The following TCERG1L variants were observed in gnomAD, a reference collection of about 807,000 sequenced individuals.
TCERG1L encodes the protein transcription elongation regulator 1-like protein.
Under a neutral mutation model 56.3 loss-of-function variants are expected in TCERG1L, and 37 were observed. The ratio of observed to expected loss-of-function variants is 0.66; its 90% CI spans 0.51 to 0.87. The LOEUF (loss-of-function observed/expected upper bound fraction) is 0.87. Ranked by LOEUF, TCERG1L falls within the 40% of genes least tolerant of loss-of-function variation. The pLI is 0.00. For missense variants in TCERG1L, 799 were observed against 774.2 expected (o/e 1.03, Z -0.38); for synonymous variants, 324 against 326.3 (o/e 0.99, Z 0.08).
chr10:131,154,170 T>C (rs749672972), intron 6 of TCERG1L, among the ~76,000 whole-genome samples: 3 of 152,302 alleles, frequency 2.0e-5, no homozygotes, highest in Admixed American at 6.5e-5. Flanking sequence ...CCAGAGGATA[T>C]AGTTAGTGTA....
chr10:131,309,231 G>A lies in TCERG1L; in HGVS notation c.411C>T (p.Val137=), dbSNP rs781180756. Residue 137 remains valine (V), a synonymous_variant, in exon 2 of 12, where the codon GTC becomes GTT. Transcript: ENST00000368642. The part of the protein sequence containing the change: ...PPSSTVELVP[V]FPHLCPSALA... ...GAGCAGAAGGGCAGAGATGTGGGAAGACGGGCACCAGCTCCACTGTGGAAG... is the reference window on the plus strand; with the variant it reads ...GAGCAGAAGGGCAGAGATGTGGGAAAACGGGCACCAGCTCCACTGTGGAAG... 1.9e-6 allele frequency: 3 copies of A among 1,607,912 alleles called. No individual in the cohort carries two copies. Among genetic ancestry groups the A allele is most frequent in the South Asian group, 2.2e-5 (2 of 89,964 alleles).
chr10:131,272,852 C>A (rs1334792747), intron 3 of TCERG1L, among the ~76,000 whole-genome samples: 1 of 152,230 alleles, frequency 6.6e-6, no homozygotes, highest in Non-Finnish European at 1.5e-5. Flanking sequence ...CTAGAGGTCA[C>A]AGAGGCTCCT....
intron 4 of TCERG1L, among the ~76,000 whole-genome samples, chr10:131,244,129 C>T (rs11591299): frequency 0.058 from 8,776 of 152,308 alleles, 339 homozygotes; most frequent in Middle Eastern, 0.14. Flanking sequence ...CTCGCAAAAA[C>T]GCAAGACATA....
rs534470044 is a variant in TCERG1L, at chr10:131,307,475, A to G, written c.670+736T>C. Among the ~76,000 whole-genome samples the G allele has an allele frequency of 3.0e-3, 451 of 152,332 alleles. 1 individual carries two copies. Among genetic ancestry groups the G allele is most frequent in the African/African-American group, 0.01 (432 of 41,582 alleles). On this transcript the variant is annotated intron_variant, in intron 3 of 11. Transcript: ENST00000368642. ...GTAGGAAATTACAAGAAGGTAATGT[A>G]ATTCTGAAGCCATAAAATATTCCAT...
chr10:131,230,046 A>G (rs1001746831), intron 4 of TCERG1L, among the ~76,000 whole-genome samples: 2 of 152,004 alleles, frequency 1.3e-5, no homozygotes, highest in Non-Finnish European at 2.9e-5. Context: ...TGCCCCAGAC[A>G]CTCAGCTCTC....
chr10:131,208,347 C>G (rs921628414), intron 4 of TCERG1L, among the ~76,000 whole-genome samples: 1 of 152,150 alleles, frequency 6.6e-6, no homozygotes, highest in Non-Finnish European at 1.5e-5. Context: ...CAGAGGGGGC[C>G]TGTGAGCCTG....
Position 131,116,830 on chromosome 10 carries a change from G to T in TCERG1L, c.1364C>A (p.Thr455Asn). 1 of 1,573,906 alleles carries T rather than the reference G, an allele frequency of 6.4e-7. No homozygotes were observed. Among genetic ancestry groups the T allele is most frequent in the Non-Finnish European group, 8.6e-7 (1 of 1,160,256 alleles). The change falls in exon 9 of 12, where the codon ACC becomes AAC. Residue 455 changes from threonine to asparagine, a missense_variant. Coordinates refer to ENST00000368642, the MANE Select transcript of TCERG1L (RefSeq NM_174937.4). ...CTCCAGCAGCATGTCTCGGAAGTGG[G>T]TCACACGCTCCTCCAGAGGCAGGAG... ...QILLPLEERV[T>N]HFRDMLLERG...
At chr10:131,170,244 T>C (rs1218241612) in intron 4 of TCERG1L, among the ~76,000 whole-genome samples, 3 of 152,094 alleles carry the variant, frequency 2.0e-5, no homozygotes. Context: ...ATTCTACGGC[T>C]CTCCGGGGGC....
rs956087973 is a variant in TCERG1L, at chr10:131,311,316, G to C, written c.320C>G (p.Pro107Arg). ...PDSAAAAAAH[P>R]FPALHGQWLF... Reference sequence around the variant, plus strand: ...TACCTGCCCGTGGAGCGCGGGGAAGGGGTGCGCGGCGGCGGCGGCGGCGGA... The same window carrying C: ...TACCTGCCCGTGGAGCGCGGGGAAGCGGTGCGCGGCGGCGGCGGCGGCGGA... Residue 107 changes from proline (P) to arginine (R), a missense_variant, in exon 1 of 12, where the codon CCC (proline) becomes CGC (arginine). By Grantham distance (103) the Pro-to-Arg change is moderately radical. Coordinates refer to ENST00000368642, the MANE Select transcript of TCERG1L (RefSeq NM_174937.4). The surrounding 1 kb of genome is among the most constrained non-coding windows in gnomAD (Gnocchi z 4.0). 4 of 1,207,302 alleles carry C rather than the reference G, an allele frequency of 3.3e-6. No homozygotes were observed. The African/African-American group carries it at 4.7e-5, about 14-fold the overall frequency. 74.8% of individuals were successfully genotyped at this position (1,207,302 alleles called of 1,614,324 possible). A position where few individuals can be genotyped will look rare whatever the true frequency, so the allele number is the denominator to read the frequency against.
In TCERG1L at chr10:131,134,530, A is replaced by G. The variant is rs547290892; in HGVS notation, c.1190-82T>C. Reference sequence around the variant, plus strand: ...AACCACCAGGTGACACTCACTTTCAAGTAGACTTATCTAGAAATTAAGACA... The same window carrying G: ...AACCACCAGGTGACACTCACTTTCAGGTAGACTTATCTAGAAATTAAGACA... On this transcript the variant is annotated intron_variant, in intron 7 of 11. Transcript: ENST00000368642. The G allele has an allele frequency of 3.9e-6, 4 of 1,035,592 alleles. No homozygotes were observed. In the East Asian group the frequency reaches 7.8e-5, roughly 20 times the overall value. 64.2% of individuals were successfully genotyped at this position (1,035,592 alleles called of 1,614,324 possible). A position where few individuals can be genotyped will look rare whatever the true frequency, so the allele number is the denominator to read the frequency against.
intron 6 of TCERG1L, among the ~76,000 whole-genome samples, chr10:131,160,224 C>G (rs922418522): frequency 6.6e-6 from 1 of 152,330 alleles, no homozygotes; most frequent in East Asian, 1.9e-4. Context: ...AGAATTCCCT[C>G]TCATCCTCAT....
chr10:131,256,304 T>C (rs571945685), intron 4 of TCERG1L, among the ~76,000 whole-genome samples: 1 of 135,024 alleles, frequency 7.4e-6, no homozygotes, highest in African/African-American at 2.6e-5. Context: ...AATTCTGGCT[T>C]GGAGACTTTC....
intron 8 of TCERG1L, among the ~76,000 whole-genome samples, chr10:131,117,681 A>ACCAG (rs1845473228): frequency 6.6e-6 from 1 of 152,174 alleles, no homozygotes; most frequent in Non-Finnish European, 1.5e-5. Context: ...TGGGCAGCTC[A>ACCAG]CCAGCACTCC....
At chr10:131,119,117 G>A (rs963501155) in intron 8 of TCERG1L, among the ~76,000 whole-genome samples, 8 of 152,274 alleles carry the variant, frequency 5.3e-5, no homozygotes, top group South Asian at 2.1e-4. Flanking sequence ...AGACCCGGCC[G>A]TCCAGGCCTC....
chr10:131,261,450 A>G (rs1846236841), intron 3 of TCERG1L, among the ~76,000 whole-genome samples: 1 of 152,140 alleles, frequency 6.6e-6, no homozygotes, highest in African/African-American at 2.4e-5. Flanking sequence ...GGAGCTAGAA[A>G]TATCAGCAAA....
At chr10:131,230,249 T>C (rs1220530557) in intron 4 of TCERG1L, among the ~76,000 whole-genome samples, 2 of 152,240 alleles carry the variant, frequency 1.3e-5, no homozygotes, top group African/African-American at 4.8e-5. Context: ...CAGCTTCCCC[T>C]CCACAGAGGC....
intron 11 of TCERG1L, 21 bp from the exon 12 acceptor site, chr10:131,093,339 T>A: frequency 6.2e-7 from 1 of 1,611,352 alleles, no homozygotes; most frequent in Non-Finnish European, 8.5e-7. Flanking sequence ...AAGAGTTTCC[T>A]GAGACACCTT....
Position 131,100,585 on chromosome 10 carries a change from G to A in TCERG1L, c.1486-2161C>T, listed in dbSNP as rs181332444. On this transcript the variant is annotated intron_variant, in intron 10 of 11. Transcript: ENST00000368642. ...TTATATCATTGCTGTATGTTCTAGCGCAAAAAAACAAAACACTATTTGTTG... is the reference window on the plus strand; with the variant it reads ...TTATATCATTGCTGTATGTTCTAGCACAAAAAAACAAAACACTATTTGTTG... Among the ~76,000 whole-genome samples the A allele has an allele frequency of 1.6e-3, 243 of 152,126 alleles. 2 individuals carry two copies. The Middle Eastern group carries it at 0.017, about 11-fold the overall frequency.
chr10:131,118,418 A>G lies in TCERG1L; in HGVS notation c.1260-1484T>C, dbSNP rs1330884373. Reference sequence around the variant, plus strand: ...TCTCTCCTGGGCCACAGTCTCCCCAAGCTCCACTGAACTTCTCAGTAGGCC... The same window carrying G: ...TCTCTCCTGGGCCACAGTCTCCCCAGGCTCCACTGAACTTCTCAGTAGGCC... On this transcript the variant is annotated intron_variant, in intron 8 of 11. Transcript: ENST00000368642. This position sits in a 1 kb window ranked among gnomAD's most constrained non-coding sequence, Gnocchi z 4.2. Among the ~76,000 whole-genome samples, 1 of 152,258 alleles carries G rather than the reference A, an allele frequency of 6.6e-6. No homozygotes were observed. The highest frequency in any genetic ancestry group is 2.1e-4 in the South Asian group (1 of 4,824).
Sources: allele counts gnomAD v4.1 joint callset (sites outside exome capture counted in the v4.1 genomes callset), GRCh38; gene constraint gnomAD v4.1.1; non-coding constraint Gnocchi (gnomAD v3.1); transcripts MANE v1.5; gene names NCBI Gene and HGNC (gene_info 2026-07-23, HGNC 2026-07-21).